VPS13B: variants seen among roughly 807,000 people sequenced by gnomAD.
The protein encoded by VPS13B is intermembrane lipid transfer protein VPS13B.
A neutral mutation model predicts 426.4 loss-of-function variants in VPS13B; 285 were observed. That is an observed-to-expected ratio of 0.67 (90% CI 0.61 to 0.74). The LOEUF (loss-of-function observed/expected upper bound fraction) is 0.74, where lower values mean the gene tolerates loss of function less well. Ranked by LOEUF, VPS13B falls within the 30% of genes least tolerant of loss-of-function variation. The pLI, the probability that VPS13B is intolerant of heterozygous loss-of-function variation, is 0.00. For synonymous variants in VPS13B, 1,676 were observed against 1,676.4 expected (o/e 1.00, Z 0.01); for missense variants, 4,537 against 4,782.6 (o/e 0.95, Z 1.51).
intron 36 of VPS13B, among the ~76,000 whole-genome samples, chr8:99,701,776 G>T (rs1044364974): frequency 1.3e-5 from 2 of 152,064 alleles, no homozygotes; most frequent in African/African-American, 4.8e-5. Flanking sequence ...TTTGTTATGA[G>T]ACTATAATGA....
chr8:99,288,461 T>C (rs973663609), intron 19 of VPS13B, among the ~76,000 whole-genome samples: 1 of 152,040 alleles, frequency 6.6e-6, no homozygotes, highest in African/African-American at 2.4e-5. Context: ...TCTTGCACAC[T>C]TAATTCTTAT....
intron 19 of VPS13B, among the ~76,000 whole-genome samples, chr8:99,325,414 A>G (rs1291609476): frequency 1.3e-5 from 2 of 152,210 alleles, no homozygotes; most frequent in African/African-American, 4.8e-5. Flanking sequence ...GATAAAATCC[A>G]AATGTTTCAT....
At position 99,268,844 on chromosome 8, in the gene VPS13B, A is replaced by G. The variant is rs139100443; in HGVS notation, c.2516-5354A>G. ...TATGGTTTGGCTGTGTCTCCACCCA[A>G]ATCTCATCTTGAATTGTAGTTCCCA... On this transcript the variant is annotated intron_variant, in intron 17 of 61. Coordinates refer to ENST00000357162, the MANE Select transcript of VPS13B (RefSeq NM_152564.5). Among the ~76,000 whole-genome samples the G allele has an allele frequency of 4.9e-3, 753 of 152,154 alleles. 6 individuals are homozygous for G. The highest frequency in any genetic ancestry group is 0.017 in the African/African-American group (712 of 41,490).
chr8:99,302,551 C>G (rs1167978043), intron 19 of VPS13B, among the ~76,000 whole-genome samples: 1 of 152,042 alleles, frequency 6.6e-6, no homozygotes, highest in Admixed American at 6.6e-5. Flanking sequence ...ACTCTGTCAC[C>G]CAGGCTGGAG....
At chr8:99,630,906 A>G (rs1828818019) in intron 33 of VPS13B, among the ~76,000 whole-genome samples, 1 of 152,146 alleles carries the variant, frequency 6.6e-6, no homozygotes, top group Non-Finnish European at 1.5e-5. Context: ...CAGCAAGAGT[A>G]ATTAGTGAAA....
chr8:99,361,422 T>A (rs940929479), intron 19 of VPS13B, among the ~76,000 whole-genome samples: 2 of 152,178 alleles, frequency 1.3e-5, no homozygotes, highest in Non-Finnish European at 2.9e-5. Flanking sequence ...AGCAGGAAAG[T>A]AGAAGCATTT....
intron 33 of VPS13B, among the ~76,000 whole-genome samples, chr8:99,618,230 CA>C (rs1428084240): frequency 9.2e-5 from 13 of 141,518 alleles, no homozygotes; most frequent in Admixed American, 5.1e-4. Flanking sequence ...TAAGCAGTAG[CA>C]AATGTACTAT....
At chr8:99,240,551 A>G (rs527966164) in intron 17 of VPS13B, among the ~76,000 whole-genome samples, 38 of 152,342 alleles carry the variant, frequency 2.5e-4, no homozygotes, top group African/African-American at 8.7e-4. Context: ...TATTTTAAGT[A>G]TATGTACTCA....
chr8:99,339,760 A>T (rs1360397329), intron 19 of VPS13B, among the ~76,000 whole-genome samples: 1 of 152,156 alleles, frequency 6.6e-6, no homozygotes, highest in Admixed American at 6.6e-5. Context: ...AGGTCACCAA[A>T]AATCATGTTT....
At chr8:99,429,730 A>C (rs1252124397) in intron 21 of VPS13B, 1 of 152,174 alleles carries the variant, frequency 6.6e-6, no homozygotes, top group East Asian at 1.9e-4. Context: ...TGTCTCTTAC[A>C]ACCTGTCTTC....
chr8:99,686,846 C>G (rs76815689), intron 35 of VPS13B, among the ~76,000 whole-genome samples: 2,502 of 152,180 alleles, frequency 0.016, 55 homozygotes, highest in Non-Finnish European at 0.021. Context: ...ACTTGGTGCT[C>G]TTTCCCACTG....
chr8:99,093,125 A>G (rs1846234132), intron 3 of VPS13B, among the ~76,000 whole-genome samples: 1 of 152,032 alleles, frequency 6.6e-6, no homozygotes, highest in Non-Finnish European at 1.5e-5. Flanking sequence ...TTTATGATGT[A>G]GAGAGATAAT....
At chr8:99,330,060 A>C (rs1466942064) in intron 19 of VPS13B, among the ~76,000 whole-genome samples, 1 of 151,882 alleles carries the variant, frequency 6.6e-6, no homozygotes, top group African/African-American at 2.4e-5. Context: ...ATTCTGTAAT[A>C]TATATTAACT....
chr8:99,310,243 G>A (rs1820879451), intron 19 of VPS13B, among the ~76,000 whole-genome samples: 1 of 152,140 alleles, frequency 6.6e-6, no homozygotes, highest in Non-Finnish European at 1.5e-5. Context: ...GTGAGAGAGG[G>A]CATCCCTGTC....
intron 28 of VPS13B, 130 bp from the exon 29 acceptor site, chr8:99,510,972 CAT>C: frequency 1.1e-6 from 1 of 946,414 alleles, no homozygotes; most frequent in Non-Finnish European, 1.6e-6. Flanking sequence ...ATTGATCAGT[CAT>C]GTGTTTATTA....
At chr8:99,052,176 A>G (rs1418500219) in intron 3 of VPS13B, among the ~76,000 whole-genome samples, 15 of 136,470 alleles carry the variant, frequency 1.1e-4, no homozygotes, top group African/African-American at 3.9e-4. Context: ...TTTGTCATAG[A>G]TAGCTCTTAT....
At chr8:99,023,727 C>T (rs1397763895) in intron 2 of VPS13B, among the ~76,000 whole-genome samples, 1 of 152,170 alleles carries the variant, frequency 6.6e-6, no homozygotes. Flanking sequence ...GATCCGCCTG[C>T]CTTGGCCTCC....
At chr8:99,434,962 A>AG (rs1348285692) in intron 22 of VPS13B, among the ~76,000 whole-genome samples, 4 of 152,306 alleles carry the variant, frequency 2.6e-5, no homozygotes, top group African/African-American at 9.6e-5. Flanking sequence ...CTATATGCTG[A>AG]GAAAAAAAAA....
chr8:99,736,923 G>A (rs1323707856), intron 39 of VPS13B, among the ~76,000 whole-genome samples: 3 of 151,882 alleles, frequency 2.0e-5, no homozygotes, highest in African/African-American at 7.3e-5. Flanking sequence ...TAAGCCCAGA[G>A]AGGTTAAATA....
Sources: gnomAD v4.1 joint callset for allele counts (sites outside exome capture counted in the v4.1 genomes callset) on GRCh38, gnomAD v4.1.1 for gene constraint, MANE v1.5 for transcripts, NCBI Gene and HGNC (gene_info 2026-07-23, HGNC 2026-07-21) for gene names.